Variants in USH2A observed in about 807,000 individuals in gnomAD.
USH2A encodes the protein usherin, also known as Usher syndrome 2A (autosomal recessive, mild).
Under a neutral mutation model 538.9 loss-of-function variants are expected in USH2A, and 443 were observed. The observed-to-expected ratio is 0.82, with a 90% CI of 0.76 to 0.89. The LOEUF (loss-of-function observed/expected upper bound fraction) is 0.89. Ranked by LOEUF, USH2A falls within the 40% of genes least tolerant of loss-of-function variation. USH2A has a pLI of 0.00. For synonymous variants in USH2A, 2,413 were observed against 2,273.5 expected (o/e 1.06, Z -1.75); for missense variants, 6,633 against 6,324.8 (o/e 1.05, Z -1.65).
intron 20 of USH2A, among the ~76,000 whole-genome samples, chr1:216,180,692 A>G (rs2034476242): frequency 1.3e-5 from 2 of 152,126 alleles, no homozygotes; most frequent in Non-Finnish European, 2.9e-5. Flanking sequence ...TCAGCTTTCT[A>G]TGATGATGAC....
At chr1:215,842,486 C>A (rs1402512517) in intron 46 of USH2A, among the ~76,000 whole-genome samples, 2 of 152,132 alleles carry the variant, frequency 1.3e-5, no homozygotes, top group Admixed American at 6.6e-5. Context: ...ATAAATCATT[C>A]TATTATAAAG....
At chr1:215,770,694 A>G (rs1661251643) in intron 55 of USH2A, among the ~76,000 whole-genome samples, 1 of 152,150 alleles carries the variant, frequency 6.6e-6, no homozygotes, top group African/African-American at 2.4e-5. Flanking sequence ...ATGGGTGTTA[A>G]TATAATTAAC....
At chr1:216,004,876 T>TGGGA (rs1668356231) in intron 32 of USH2A, among the ~76,000 whole-genome samples, 1 of 152,074 alleles carries the variant, frequency 6.6e-6, no homozygotes, top group African/African-American at 2.4e-5. Flanking sequence ...TCTATAGTAA[T>TGGGA]GGGAGGGGAT....
At chr1:215,820,976 T>C (rs772622275) in intron 47 of USH2A, among the ~76,000 whole-genome samples, 30 of 151,856 alleles carry the variant, frequency 2.0e-4, no homozygotes, top group Non-Finnish European at 2.8e-4. Flanking sequence ...ACATTTTCTT[T>C]ATCCATTCAT....
intron 44 of USH2A, among the ~76,000 whole-genome samples, chr1:215,861,854 T>TTTTG (rs1664324718): frequency 6.9e-6 from 1 of 145,844 alleles, no homozygotes; most frequent in African/African-American, 2.5e-5. Flanking sequence ...TTTTTTTTTT[T>TTTTG]TTTTGAGACA....
chr1:215,882,847 A>G (rs1262895566), intron 41 of USH2A, among the ~76,000 whole-genome samples: 1 of 152,170 alleles, frequency 6.6e-6, no homozygotes, highest in Non-Finnish European at 1.5e-5. Context: ...TCCTACTGAC[A>G]TTATTTTATG....
At chr1:216,055,680 TCTC>T (rs1188135862) in intron 30 of USH2A, among the ~76,000 whole-genome samples, 1 of 152,192 alleles carries the variant, frequency 6.6e-6, no homozygotes, top group Non-Finnish European at 1.5e-5. Flanking sequence ...CCAGGATGCT[TCTC>T]CTCTGGTTCT....
intron 44 of USH2A, among the ~76,000 whole-genome samples, chr1:215,849,925 G>T (rs895466774): frequency 1.3e-5 from 2 of 152,016 alleles, no homozygotes; most frequent in Non-Finnish European, 2.9e-5. Context: ...AATGTGCAAA[G>T]ATGAGAGAAA....
At chr1:215,950,332 G>GT (rs1451916171) in intron 37 of USH2A, among the ~76,000 whole-genome samples, 1 of 151,968 alleles carries the variant, frequency 6.6e-6, no homozygotes, top group East Asian at 1.9e-4. Flanking sequence ...CTTGTTATGA[G>GT]TTTTTTGTGT....
At chr1:215,703,551 C>A (rs1659094514) in intron 61 of USH2A, among the ~76,000 whole-genome samples, 1 of 152,196 alleles carries the variant, frequency 6.6e-6, no homozygotes, top group South Asian at 2.1e-4. Context: ...GCTACAGCGG[C>A]TTTGCGGTGC....
intron 9 of USH2A, among the ~76,000 whole-genome samples, chr1:216,311,957 A>AG (rs1169447436): frequency 6.6e-6 from 1 of 152,108 alleles, no homozygotes; most frequent in African/African-American, 2.4e-5. Flanking sequence ...ATTAAGGATA[A>AG]GAAAAATAAA....
chr1:216,418,936 G>A (rs2039627190), intron 2 of USH2A, among the ~76,000 whole-genome samples: 1 of 152,018 alleles, frequency 6.6e-6, no homozygotes, highest in African/African-American at 2.4e-5. Context: ...AGAGATTCAT[G>A]ATGGAAACTA....
chr1:216,231,554 CTT>C (rs3063234), intron 14 of USH2A, among the ~76,000 whole-genome samples: 71 of 146,166 alleles, frequency 4.9e-4, no homozygotes, highest in South Asian at 2.2e-3. Context: ...CAAAAAAACA[CTT>C]TTTTTTTTTT....
intron 47 of USH2A, among the ~76,000 whole-genome samples, chr1:215,826,648 T>C (rs1284214491): frequency 6.6e-6 from 1 of 152,148 alleles, no homozygotes; most frequent in Admixed American, 6.5e-5. Flanking sequence ...CTAAAAATAA[T>C]TGGAAACCCA....
rs768579751 is a variant in USH2A, at chr1:215,844,457, T to C, written c.9095A>G (p.Asn3032Ser). 15 of 1,612,190 alleles carry C rather than the reference T, an allele frequency of 9.3e-6. No individual in the cohort carries two copies. The highest frequency in any genetic ancestry group is 1.3e-5 in the Non-Finnish European group (15 of 1,179,850). Residue 3032 changes from asparagine to serine, a missense_variant, in exon 46 of 72, where the codon AAC becomes AGC. Coordinates refer to ENST00000307340, the MANE Select transcript of USH2A (RefSeq NM_206933.4). Reference sequence around the variant, plus strand: ...CCAGATGACACGTACAGCTGTACTGTTGATGATGACAACCTCTGGAGGAAG... The same window carrying C: ...CCAGATGACACGTACAGCTGTACTGCTGATGATGACAACCTCTGGAGGAAG... ...GMLPPEVVII[N>S]STAVRVIWTS...
At chr1:215,808,639 G>T (rs573696619) in intron 49 of USH2A, among the ~76,000 whole-genome samples, 1 of 152,106 alleles carries the variant, frequency 6.6e-6, no homozygotes, top group East Asian at 1.9e-4. Flanking sequence ...CAAAACTATG[G>T]TTTGTCTTGT....
chr1:215,832,654 G>T (rs1663356731), intron 47 of USH2A, among the ~76,000 whole-genome samples: 1 of 151,870 alleles, frequency 6.6e-6, no homozygotes, highest in Non-Finnish European at 1.5e-5. Context: ...TCACATCTAA[G>T]GGTAAAAGAC....
In USH2A at chr1:216,156,295, CTTTTTTTTT is replaced by C. The variant is rs35698520; in HGVS notation, c.4627+18948_4627+18956del. Among the ~76,000 whole-genome samples the C allele has an allele frequency of 5.7e-5, 6 of 105,526 alleles. No individual in the cohort carries two copies. The East Asian group carries it at 8.0e-4, about 14-fold the overall frequency. 69.2% of individuals were successfully genotyped at this position (105,526 alleles called of 152,430 possible). A position where few individuals can be genotyped will look rare whatever the true frequency, so the allele number is the denominator to read the frequency against. ...TTCTTTCTTTCTTTCTTTTTTTTTT[CTTTTTTTTT>C]TTTTTTTTGGCCTAGCTAACTCAAC... On this transcript the variant is annotated intron_variant, in intron 21 of 71. Transcript: ENST00000307340.
rs932837443 is a variant in USH2A at position 215,935,820 on chromosome 1, A to G, written c.7121-1025T>C. The stretch of plus-strand genomic sequence containing the variant: ...ATAACTCTTAAAAAACAGAAAAATG[A>G]ATGATTAAGAGTACCACCCAGGCTA... On this transcript the variant is annotated intron_variant, in intron 37 of 71. Transcript: ENST00000307340. 3.3e-5 allele frequency among the ~76,000 whole-genome samples: 5 copies of G among 151,994 alleles called. No homozygotes were observed. In the East Asian group the frequency reaches 9.7e-4, roughly 29 times the overall value.
Sources: gnomAD v4.1 joint callset for allele counts (sites outside exome capture counted in the v4.1 genomes callset) on GRCh38, gnomAD v4.1.1 for gene constraint, MANE v1.5 for transcripts, NCBI Gene and HGNC (gene_info 2026-07-23, HGNC 2026-07-21) for gene names.